FSTL5: variants seen among roughly 807,000 people sequenced by gnomAD.
FSTL5 encodes the protein follistatin-related protein 5.
In FSTL5, 62 loss-of-function variants were observed where a neutral mutation model predicts 89.1. That is an observed-to-expected ratio of 0.70 (90% CI 0.57 to 0.86). The LOEUF is 0.86. FSTL5 is among the 40% of genes least tolerant of loss of function. FSTL5 has a pLI of 0.00. For synonymous variants in FSTL5, 383 were observed against 346.2 expected (o/e 1.11, Z -1.18); for missense variants, 1,057 against 1,001.6 (o/e 1.06, Z -0.75).
chr4:161,767,320 T>C lies in FSTL5; in HGVS notation c.607-7789A>G, dbSNP rs561463007. ...TGTTGTGTGGCTGAGTGACTCACGA[T>C]GTACTTACAATACTTATGGGAGAGA... is the stretch of plus-strand genomic sequence containing the variant. On this transcript the variant is annotated intron_variant, in intron 5 of 15. Transcript: ENST00000306100. Among the ~76,000 whole-genome samples the C allele has an allele frequency of 2.3e-4, 35 of 152,366 alleles. No homozygotes were observed. In the South Asian group the frequency reaches 6.4e-3, roughly 28 times the overall value.
chr4:162,071,228 C>T lies in FSTL5; in HGVS notation c.127-37570G>A, dbSNP rs112680720. On this transcript the variant is annotated intron_variant, in intron 2 of 15. Transcript: ENST00000306100. ...AAATGAAATAAAATACAACAAGATG[C>T]AACTGTATGCTGCCTATAAGAAATT... is the stretch of plus-strand genomic sequence containing the variant. 6.8e-3 allele frequency among the ~76,000 whole-genome samples: 1,027 copies of T among 151,476 alleles called. 10 individuals carry two copies. Among genetic ancestry groups the T allele is most frequent in the African/African-American group, 0.022 (911 of 41,416 alleles).
chr4:161,548,274 C>A (rs1732072303), intron 8 of FSTL5, among the ~76,000 whole-genome samples: 1 of 151,824 alleles, frequency 6.6e-6, no homozygotes, highest in East Asian at 1.9e-4. Flanking sequence ...AAACTGTAAA[C>A]TGTTAGGTTG....
At chr4:161,913,401 G>A (rs1733753093) in intron 4 of FSTL5, among the ~76,000 whole-genome samples, 1 of 152,162 alleles carries the variant, frequency 6.6e-6, no homozygotes, top group African/African-American at 2.4e-5. Flanking sequence ...TCCAGCCATG[G>A]CTGAAAGGGG....
intron 4 of FSTL5, among the ~76,000 whole-genome samples, chr4:161,852,866 G>A (rs1731600052): frequency 6.6e-6 from 1 of 152,118 alleles, no homozygotes; most frequent in Non-Finnish European, 1.5e-5. Flanking sequence ...GAGAGCATCA[G>A]GAAGAATAGC....
intron 1 of FSTL5, among the ~76,000 whole-genome samples, chr4:162,127,176 G>A (rs2111448394): frequency 6.6e-6 from 1 of 152,278 alleles, no homozygotes; most frequent in Middle Eastern, 3.4e-3. Context: ...TCCCCAAAGA[G>A]CTAAATCTCC....
intron 2 of FSTL5, among the ~76,000 whole-genome samples, chr4:162,078,571 C>T (rs188330755): frequency 6.6e-6 from 1 of 151,924 alleles, no homozygotes; most frequent in African/African-American, 2.4e-5. Context: ...AAGTATTTCT[C>T]ATTACTACAT....
chr4:161,923,820 T>C (rs1734055993), intron 3 of FSTL5, among the ~76,000 whole-genome samples: 1 of 151,788 alleles, frequency 6.6e-6, no homozygotes, highest in Non-Finnish European at 1.5e-5. Context: ...CAGAGATTTA[T>C]ATTAGGATAT....
intron 6 of FSTL5, among the ~76,000 whole-genome samples, chr4:161,714,640 C>T (rs1037412621): frequency 1.3e-5 from 2 of 152,116 alleles, no homozygotes; most frequent in African/African-American, 4.8e-5. Flanking sequence ...TTATGGTTAT[C>T]CCAATGTCAC....
chr4:161,636,460 CTT>C (rs67780564), intron 7 of FSTL5, among the ~76,000 whole-genome samples: 2,074 of 121,080 alleles, frequency 0.017, 29 homozygotes, highest in African/African-American at 0.052. Flanking sequence ...TTTTTTTTTT[CTT>C]TTTTTTTTTT....
intron 3 of FSTL5, among the ~76,000 whole-genome samples, chr4:161,970,637 G>C (rs923456528): frequency 6.6e-6 from 1 of 152,000 alleles, no homozygotes; most frequent in South Asian, 2.1e-4. Flanking sequence ...GGAAAACAGA[G>C]ATTTTCCATT....
At chr4:161,882,253 A>AT (rs1732657125) in intron 4 of FSTL5, among the ~76,000 whole-genome samples, 1 of 152,108 alleles carries the variant, frequency 6.6e-6, no homozygotes, top group Admixed American at 6.6e-5. Flanking sequence ...GACTTAAGCC[A>AT]GCAGTAATGG....
intron 7 of FSTL5, among the ~76,000 whole-genome samples, chr4:161,594,872 TTA>T (rs538709369): frequency 5.1e-4 from 77 of 152,078 alleles, no homozygotes; most frequent in African/African-American, 1.6e-3. Context: ...GCCGAACAAT[TTA>T]AATGAAACAT....
At chr4:161,656,654 T>C (rs1736529141) in intron 6 of FSTL5, among the ~76,000 whole-genome samples, 160 bp from the exon 7 acceptor site, 1 of 152,100 alleles carries the variant, frequency 6.6e-6, no homozygotes, top group Admixed American at 6.6e-5. Flanking sequence ...CAATAAAAGG[T>C]CAGAATGACA....
intron 4 of FSTL5, among the ~76,000 whole-genome samples, chr4:161,840,330 T>G (rs1201150999): frequency 6.6e-6 from 1 of 151,950 alleles, no homozygotes; most frequent in Non-Finnish European, 1.5e-5. Flanking sequence ...AGAGAGAAAT[T>G]TTACAAAGAA....
At chr4:161,751,482 C>G (rs1322243733) in intron 6 of FSTL5, among the ~76,000 whole-genome samples, 3 of 152,104 alleles carry the variant, frequency 2.0e-5, no homozygotes, top group African/African-American at 7.2e-5. Context: ...GCTATGAACT[C>G]TAACATAAAA....
At chr4:161,903,662 A>G (rs1425169570) in intron 4 of FSTL5, among the ~76,000 whole-genome samples, 1 of 152,126 alleles carries the variant, frequency 6.6e-6, no homozygotes, top group African/African-American at 2.4e-5. Context: ...CCCCCAAATC[A>G]GACATTCATA....
At chr4:161,656,073 G>A (rs1736502336) in intron 7 of FSTL5, among the ~76,000 whole-genome samples, 1 of 152,096 alleles carries the variant, frequency 6.6e-6, no homozygotes, top group Non-Finnish European at 1.5e-5. Context: ...GATATTCCCT[G>A]TAAAGATTTT....
At chr4:161,489,013 T>G (rs1451094236) in intron 12 of FSTL5, among the ~76,000 whole-genome samples, 1 of 152,168 alleles carries the variant, frequency 6.6e-6, no homozygotes, top group Non-Finnish European at 1.5e-5. Context: ...GTTTGTCAAT[T>G]TTTTTGATGA....
chr4:161,696,452 G>A (rs1738173028), intron 6 of FSTL5, among the ~76,000 whole-genome samples: 1 of 152,040 alleles, frequency 6.6e-6, no homozygotes, highest in African/African-American at 2.4e-5. Context: ...GTGCTTTTTG[G>A]TTCCATATGA....
Sources: allele counts gnomAD v4.1 joint callset (sites outside exome capture counted in the v4.1 genomes callset), GRCh38; gene constraint gnomAD v4.1.1; transcripts MANE v1.5; gene names NCBI Gene and HGNC (gene_info 2026-07-23, HGNC 2026-07-21).